NBEAL1: variants seen among roughly 807,000 people sequenced by gnomAD.
NBEAL1 encodes the protein neurobeachin like 1, also known as neurobeachin-like protein 1.
Under a neutral mutation model 351.3 loss-of-function variants are expected in NBEAL1, and 273 were observed. The observed-to-expected ratio is 0.78, with a 90% CI of 0.70 to 0.86. NBEAL1 has a LOEUF of 0.86. NBEAL1 is among the 40% of genes least tolerant of loss of function. The pLI, the probability that NBEAL1 is intolerant of heterozygous loss-of-function variation, is 0.00. For synonymous variants in NBEAL1, 1,050 were observed against 1,086.4 expected, an observed-to-expected ratio of 0.97 and a Z score of 0.66; for missense variants, 2,961 against 3,201.3, an observed-to-expected ratio of 0.92 and a Z score of 1.81.
rs1412786400 is a variant in NBEAL1, at chr2:203,220,522, G to C, written c.*3168G>C. Among the ~76,000 whole-genome samples the C allele has an allele frequency of 2.0e-5, 3 of 151,712 alleles. No individual in the cohort carries two copies. Among genetic ancestry groups the C allele is most frequent in the Non-Finnish European group, 4.4e-5 (3 of 67,948 alleles). On this transcript the variant is annotated 3_prime_UTR_variant, in exon 56 of 56. Coordinates refer to ENST00000683969, the MANE Select transcript of NBEAL1 (RefSeq NM_001378026.1). Reference sequence around the variant, plus strand: ...GTCTGTTATCTTTGCAAAACTTTTTGTATGCTTTTGTTTCTTGATACTGGT... The same window carrying C: ...GTCTGTTATCTTTGCAAAACTTTTTCTATGCTTTTGTTTCTTGATACTGGT...
At chr2:203,199,201 T>G in intron 48 of NBEAL1, 137 bp from the exon 49 acceptor site, 24 of 521,752 alleles carry the variant, frequency 4.6e-5, no homozygotes, top group East Asian at 6.3e-5. Flanking sequence ...ATGTGCTTAA[T>G]GAGTTTCAGG....
intron 18 of NBEAL1, among the ~76,000 whole-genome samples, chr2:203,116,708 T>A (rs554147062): frequency 6.7e-4 from 100 of 149,482 alleles, no homozygotes; most frequent in African/African-American, 2.4e-3. Flanking sequence ...GAAGATCCCT[T>A]GAGCCCAGGA....
chr2:203,201,457 CT>C (rs2065395745), intron 49 of NBEAL1, 85 bp from the exon 50 acceptor site: 1 of 1,167,210 alleles, frequency 8.6e-7, no homozygotes, highest in Middle Eastern at 2.2e-4. Context: ...TTTTTTATTT[CT>C]TTTTTAGAGA....
Position 203,157,773 on chromosome 2 carries a change from G to T in NBEAL1, c.5662G>T (p.Val1888Leu). The T allele has an allele frequency of 6.3e-7, 1 of 1,594,544 alleles. No individual in the cohort carries two copies. The change falls in exon 36 of 56, where the codon GTG (valine) becomes TTG (leucine). Residue 1888 changes from valine to leucine, a missense_variant. Coordinates refer to ENST00000683969, the MANE Select transcript of NBEAL1 (RefSeq NM_001378026.1). ...GAAACAAGTAAAAGTTAGTGATATG[G>T]TGGAGGATAAATTAGACCTTCCTGA... ...VVKQVKVSDM[V>L]EDKLDLPEED...
chr2:203,126,016 A>G lies in NBEAL1; in HGVS notation c.2908A>G (p.Ile970Val). 6.5e-7 allele frequency: 1 copy of G among 1,544,934 alleles called. No homozygotes were observed. Among genetic ancestry groups the G allele is most frequent in the Non-Finnish European group, 8.7e-7 (1 of 1,144,194 alleles). The change falls in exon 21 of 56, where the codon ATT becomes GTT. Residue 970 changes from isoleucine (I) to valine (V), a missense_variant. Ile to Val is a conservative substitution (Grantham distance 29). Coordinates refer to ENST00000683969, the MANE Select transcript of NBEAL1 (RefSeq NM_001378026.1). Reference protein sequence around the residue: ...ATFILIVKHFIQRHPINQGNL... With the variant: ...ATFILIVKHFVQRHPINQGNL... ...ATTTATCTTAATTGTGAAACATTTT[A>G]TTCAGAGACATCCTATCAACCAGGG...
intron 37 of NBEAL1, 87 bp from the exon 38 acceptor site, chr2:203,167,139 AC>A: frequency 7.8e-7 from 1 of 1,276,062 alleles, no homozygotes; most frequent in South Asian, 1.6e-5. Context: ...TTTTCCTAAA[AC>A]CTTTTGTCAA....
In NBEAL1 at chr2:203,048,275, G is replaced by A. The variant is rs574785914; in HGVS notation, c.144-1539G>A. Among the ~76,000 whole-genome samples the A allele has an allele frequency of 5.3e-5, 8 of 151,506 alleles. No homozygotes were observed. In the South Asian group the frequency reaches 6.3e-4, roughly 12 times the overall value. On this transcript the variant is annotated intron_variant, in intron 3 of 55. Transcript: ENST00000683969. ...CACGTGCCTGTAATCCCAGCTACTC[G>A]GGAGCCTGAGGCATGAGAATCCCTT...
At chr2:203,138,050 G>T in intron 29 of NBEAL1, 112 bp from the exon 30 acceptor site, 1 of 928,796 alleles carries the variant, frequency 1.1e-6, no homozygotes, top group Non-Finnish European at 1.6e-6. Flanking sequence ...GCTAGAGATA[G>T]TATATCTTTA....
intron 34 of NBEAL1, among the ~76,000 whole-genome samples, chr2:203,150,966 C>T (rs765465355): frequency 2.0e-5 from 3 of 152,162 alleles, no homozygotes; most frequent in Non-Finnish European, 2.9e-5. Context: ...AGTGCAGCTA[C>T]GCATACTCAC....
chr2:203,041,105 T>C (rs2061133779), intron 2 of NBEAL1, among the ~76,000 whole-genome samples: 1 of 152,214 alleles, frequency 6.6e-6, no homozygotes, highest in Admixed American at 6.5e-5. Context: ...TTTTCTGTAT[T>C]GGCTGCTGCC....
rs2062394485 is a variant in NBEAL1, at chr2:203,104,607, C to A, written c.1270-2813C>A. Among the ~76,000 whole-genome samples the A allele has an allele frequency of 3.3e-5, 5 of 152,208 alleles. No individual in the cohort carries two copies. The South Asian group carries it at 8.3e-4, about 25-fold the overall frequency. On this transcript the variant is annotated intron_variant, in intron 12 of 55. Transcript: ENST00000683969. ...TATTATTAGCTAGTTATTATACAGACTTGTTGACTTGTGTGTGTGGTTGCT... is the reference window on the plus strand; with the variant it reads ...TATTATTAGCTAGTTATTATACAGAATTGTTGACTTGTGTGTGTGGTTGCT...
At chr2:203,207,541 GGA>G (rs1353690295) in intron 51 of NBEAL1, among the ~76,000 whole-genome samples, 1 of 152,230 alleles carries the variant, frequency 6.6e-6, no homozygotes, top group Non-Finnish European at 1.5e-5. Flanking sequence ...GGTAGACATG[GGA>G]GACTTTTCAT....
chr2:203,188,267 T>A (rs6435175), intron 44 of NBEAL1, among the ~76,000 whole-genome samples: 134,180 of 152,116 alleles, frequency 0.88, 60,403 homozygotes, highest in Non-Finnish European at 0.96. Flanking sequence ...AATAAATATA[T>A]CTACATTATA....
chr2:203,204,747 TG>T (rs2065505741), intron 51 of NBEAL1, among the ~76,000 whole-genome samples: 1 of 152,196 alleles, frequency 6.6e-6, no homozygotes, highest in African/African-American at 2.4e-5. Flanking sequence ...CAAATTATCA[TG>T]TTTTTTATTA....
chr2:203,138,894 A>C, intron 31 of NBEAL1, 146 bp downstream of exon 31: 2 of 734,364 alleles, frequency 2.7e-6, no homozygotes, highest in Non-Finnish European at 4.2e-6. Flanking sequence ...AGTTTTGAGG[A>C]GCTTGAGAGG....
At chr2:203,132,965 A>G in intron 26 of NBEAL1, 93 bp from the exon 27 acceptor site, 1 of 639,118 alleles carries the variant, frequency 1.6e-6, no homozygotes, top group Non-Finnish European at 2.7e-6. Flanking sequence ...AAAATGAAAT[A>G]ATTATTTCAG....
intron 4 of NBEAL1, 144 bp from the exon 5 acceptor site, chr2:203,056,283 A>G (rs1207007518): frequency 1.6e-6 from 1 of 643,058 alleles, no homozygotes; most frequent in Non-Finnish European, 2.8e-6. Flanking sequence ...AAGCAGTTAT[A>G]TAACCATATT....
At chr2:203,125,139 T>C (rs1334716622) in intron 19 of NBEAL1, among the ~76,000 whole-genome samples, 3 of 152,196 alleles carry the variant, frequency 2.0e-5, no homozygotes, top group African/African-American at 7.2e-5. Context: ...GGAGTAAAAA[T>C]GGTCTGGCCT....
In NBEAL1 at chr2:203,216,293, T is replaced by C. The variant is rs187851956; in HGVS notation, c.8071-960T>C. Reference sequence around the variant, plus strand: ...ACATTACTTTTTATCATTCTGTTGTTAAATATTATTTTTGAAAGCCTTAAA... The same window carrying C: ...ACATTACTTTTTATCATTCTGTTGTCAAATATTATTTTTGAAAGCCTTAAA... On this transcript the variant is annotated intron_variant, in intron 55 of 55. Transcript: ENST00000683969. Among the ~76,000 whole-genome samples the C allele has an allele frequency of 9.2e-4, 140 of 152,372 alleles. No homozygotes were observed. The South Asian group carries it at 0.011, about 12-fold the overall frequency.
Sources: allele counts gnomAD v4.1 joint callset (sites outside exome capture counted in the v4.1 genomes callset), GRCh38; gene constraint gnomAD v4.1.1; transcripts MANE v1.5; gene names NCBI Gene and HGNC (gene_info 2026-07-23, HGNC 2026-07-21).